Variants in PSAT1 observed in about 807,000 individuals in gnomAD.
PSAT1 encodes phosphoserine aminotransferase.
In PSAT1, 41 loss-of-function variants were observed where a neutral mutation model predicts 40.3. The observed-to-expected ratio is 1.02, with a 90% CI of 0.79 to 1.32. The LOEUF (loss-of-function observed/expected upper bound fraction) is 1.32, where lower values mean the gene tolerates loss of function less well. Among genes scored for constraint, PSAT1 ranks in the 40% most tolerant of loss-of-function variants. The pLI is 0.00. For missense variants in PSAT1, 406 were observed against 455.8 expected (o/e 0.89, Z 0.99); for synonymous variants, 147 against 170.5 (o/e 0.86, Z 1.07).
chr9:78,301,748 T>C (rs1697750103), intron 2 of PSAT1, among the ~76,000 whole-genome samples: 1 of 152,224 alleles, frequency 6.6e-6, no homozygotes, highest in South Asian at 2.1e-4. Flanking sequence ...AAAATCCTTC[T>C]GCCATGACTA....
chr9:78,303,647 C>T (rs1050018357), intron 3 of PSAT1, among the ~76,000 whole-genome samples: 1 of 152,130 alleles, frequency 6.6e-6, no homozygotes, highest in Non-Finnish European at 1.5e-5. Flanking sequence ...AACCTCATGG[C>T]CAGAGTCTCC....
intron 3 of PSAT1, among the ~76,000 whole-genome samples, chr9:78,304,358 C>T (rs1483190333): frequency 6.6e-6 from 1 of 152,176 alleles, no homozygotes; most frequent in Non-Finnish European, 1.5e-5. Context: ...GTAAAGGTCT[C>T]AGTACCAAAT....
intron 7 of PSAT1, among the ~76,000 whole-genome samples, chr9:78,326,949 A>ATTTTTTTTTTT (rs1458600401): frequency 2.3e-5 from 2 of 85,532 alleles, no homozygotes; most frequent in African/African-American, 1.6e-4. Context: ...ATATATATAT[A>ATTTTTTTTTTT]TATATATTTT....
At chr9:78,306,536 A>T (rs944477599) in intron 5 of PSAT1, 50 bp downstream of exon 5, 1 of 1,607,580 alleles carries the variant, frequency 6.2e-7, no homozygotes, top group Admixed American at 1.7e-5. Context: ...CGGTGTCTGC[A>T]GGGACATTTT....
chr9:78,304,705 G>A (rs753981090), intron 3 of PSAT1, 30 bp from the exon 4 acceptor site: 2 of 1,574,028 alleles, frequency 1.3e-6, no homozygotes, highest in Middle Eastern at 1.7e-4. Flanking sequence ...ATGAGTTTAT[G>A]TATTGACTGT....
At chr9:78,298,532 C>A in intron 1 of PSAT1, 1 of 732,630 alleles carries the variant, frequency 1.4e-6, no homozygotes, top group Non-Finnish European at 1.7e-6. Context: ...TTCCCTGCTC[C>A]AGCTGTGGAG....
intron 7 of PSAT1, among the ~76,000 whole-genome samples, chr9:78,325,423 C>T (rs1411464771): frequency 1.3e-5 from 2 of 152,242 alleles, no homozygotes; most frequent in African/African-American, 2.4e-5. Flanking sequence ...TCCACAGCCC[C>T]GGCCCTGTAG....
intron 5 of PSAT1, 68 bp downstream of exon 5, chr9:78,306,554 A>G (rs1828187428): frequency 1.8e-5 from 29 of 1,588,856 alleles, no homozygotes; most frequent in Non-Finnish European, 2.3e-5. Flanking sequence ...TTTAATATAT[A>G]CAAGAGCGGG....
At chr9:78,321,263 C>T (rs542577445) in intron 7 of PSAT1, among the ~76,000 whole-genome samples, 25 of 152,264 alleles carry the variant, frequency 1.6e-4, no homozygotes, top group African/African-American at 4.6e-4. Flanking sequence ...GCCTGGAAAG[C>T]GTCATCCCAG....
chr9:78,326,081 C>G (rs942874647), intron 7 of PSAT1, among the ~76,000 whole-genome samples: 5 of 152,140 alleles, frequency 3.3e-5, no homozygotes, highest in African/African-American at 1.2e-4. Context: ...ATAGTGGGGC[C>G]TGGAATTCAG....
chr9:78,302,142 C>G (rs1828116527), intron 3 of PSAT1, 119 bp downstream of exon 3: 5 of 802,634 alleles, frequency 6.2e-6, no homozygotes, highest in Non-Finnish European at 1.1e-5. Flanking sequence ...TTAAAATAAT[C>G]CTTGTAAGAT....
chr9:78,327,234 T>C (rs750623943), intron 7 of PSAT1, among the ~76,000 whole-genome samples: 1 of 151,808 alleles, frequency 6.6e-6, no homozygotes, highest in Non-Finnish European at 1.5e-5. Context: ...GTGCTGGGAT[T>C]ATAGGTGTGA....
At chr9:78,311,528 A>AT (rs1373769070) in intron 6 of PSAT1, among the ~76,000 whole-genome samples, 2 of 151,900 alleles carry the variant, frequency 1.3e-5, no homozygotes, top group African/African-American at 2.4e-5. Flanking sequence ...CTTGAAGAGC[A>AT]TTTTTTTAAA....
At chr9:78,297,808 G>C (rs1396744124) in intron 1 of PSAT1, among the ~76,000 whole-genome samples, 2 of 152,190 alleles carry the variant, frequency 1.3e-5, no homozygotes, top group South Asian at 4.1e-4. Flanking sequence ...TTAAAGGTCC[G>C]CGTGTGCGTG....
intron 6 of PSAT1, among the ~76,000 whole-genome samples, chr9:78,312,062 TTC>T (rs1491338348): frequency 0.02 from 2,634 of 133,424 alleles, 72 homozygotes; most frequent in African/African-American, 0.066. Flanking sequence ...TTTTTTTTTT[TTC>T]CCCACAGAGT....
chr9:78,324,818 T>C (rs1298954082), intron 7 of PSAT1, among the ~76,000 whole-genome samples: 1 of 152,132 alleles, frequency 6.6e-6, no homozygotes, highest in African/African-American at 2.4e-5. Context: ...GAGAGCTTGT[T>C]TGCACCTTCC....
At chr9:78,304,249 T>G (rs1464852932) in intron 3 of PSAT1, among the ~76,000 whole-genome samples, 1 of 152,172 alleles carries the variant, frequency 6.6e-6, no homozygotes, top group Non-Finnish European at 1.5e-5. Context: ...CTTTCTTATG[T>G]GTTCTCTTCA....
At chr9:78,300,684 T>C in intron 2 of PSAT1, 22 bp downstream of exon 2, 1 of 1,588,804 alleles carries the variant, frequency 6.3e-7, no homozygotes, top group South Asian at 1.2e-5. Context: ...TTTTGAATTC[T>C]GTGAATGTCC....
intron 3 of PSAT1, among the ~76,000 whole-genome samples, chr9:78,303,799 T>G (rs1235412796): frequency 6.6e-6 from 1 of 152,168 alleles, no homozygotes; most frequent in Non-Finnish European, 1.5e-5. Context: ...TACCTCTGTA[T>G]CTTTGCTGGA....
Sources: allele counts gnomAD v4.1 joint callset (sites outside exome capture counted in the v4.1 genomes callset), GRCh38; gene constraint gnomAD v4.1.1; transcripts MANE v1.5; gene names NCBI Gene and HGNC (gene_info 2026-07-23, HGNC 2026-07-21).